Variants in CCDC171 observed in about 807,000 individuals in gnomAD.
CCDC171 encodes coiled-coil domain containing 171.
In CCDC171, 177 loss-of-function variants were observed where a neutral mutation model predicts 168.2. The ratio of observed to expected loss-of-function variants is 1.05; its 90% CI spans 0.93 to 1.19. The LOEUF (loss-of-function observed/expected upper bound fraction) is 1.19. Among genes scored for constraint, CCDC171 ranks in the 50% most tolerant of loss-of-function variants. The pLI, the probability that CCDC171 is intolerant of heterozygous loss-of-function variation, is 0.00. For missense variants in CCDC171, 1,991 were observed against 1,539.0 expected (o/e 1.29, Z -4.91); for synonymous variants, 687 against 540.8 (o/e 1.27, Z -3.75).
chr9:16,084,827 G>A, the CCDC171 span, among the ~76,000 whole-genome samples: 45 of 152,280 alleles, frequency 3.0e-4, no homozygotes, highest in African/African-American at 9.9e-4. Flanking sequence ...CAGAAGGCCG[G>A]TGAGGTAAGG....
intron 21 of CCDC171, among the ~76,000 whole-genome samples, chr9:15,796,644 C>G (rs560654910): frequency 1.8e-4 from 27 of 152,232 alleles, no homozygotes; most frequent in African/African-American, 5.5e-4. Flanking sequence ...CTCAACCCTG[C>G]GGTTGGGGAG....
At chr9:15,783,078 A>T (rs576267210) in intron 20 of CCDC171, among the ~76,000 whole-genome samples, 1 of 152,308 alleles carries the variant, frequency 6.6e-6, no homozygotes, top group African/African-American at 2.4e-5. Context: ...ATGCACCCTT[A>T]AAAAGAGAAA....
intron 6 of CCDC171, among the ~76,000 whole-genome samples, chr9:15,601,424 C>G (rs1326862477): frequency 6.6e-6 from 1 of 152,156 alleles, no homozygotes; most frequent in Non-Finnish European, 1.5e-5. Flanking sequence ...TTCCCATTAC[C>G]TCTTCTGTAG....
At chr9:15,805,311 T>C (rs907533234) in intron 21 of CCDC171, among the ~76,000 whole-genome samples, 6 of 152,152 alleles carry the variant, frequency 3.9e-5, no homozygotes, top group Admixed American at 2.0e-4. Flanking sequence ...CTCTTGGTTC[T>C]CAAGTCCTTT....
chr9:15,877,001 T>C (rs967722786), intron 24 of CCDC171, among the ~76,000 whole-genome samples: 2 of 152,106 alleles, frequency 1.3e-5, no homozygotes, highest in Non-Finnish European at 2.9e-5. Context: ...AACTTTATTA[T>C]AGGTATAATC....
In CCDC171 at chr9:15,671,618, C is replaced by T. The variant is rs182922439; in HGVS notation, c.1076+5295C>T. 1.4e-3 allele frequency among the ~76,000 whole-genome samples: 205 copies of T among 146,012 alleles called. 1 individual carries two copies. Among genetic ancestry groups the T allele is most frequent in the African/African-American group, 4.4e-3 (176 of 39,614 alleles). The stretch of plus-strand genomic sequence containing the variant: ...GTGACAACATGCAGTGTTTGGTTTT[C>T]TGTCCTTGTGATAGTTTGCTCAGAA... On this transcript the variant is annotated intron_variant, in intron 9 of 25. Coordinates refer to ENST00000380701, the MANE Select transcript of CCDC171 (RefSeq NM_173550.4).
chr9:15,712,288 G>A (rs1275689662), intron 11 of CCDC171, among the ~76,000 whole-genome samples: 1 of 152,156 alleles, frequency 6.6e-6, no homozygotes, highest in Non-Finnish European at 1.5e-5. Context: ...CAGTCAGGCT[G>A]ATAAAAAATT....
chr9:15,856,071 C>G (rs867106444), intron 23 of CCDC171, among the ~76,000 whole-genome samples: 42 of 151,852 alleles, frequency 2.8e-4, no homozygotes, highest in South Asian at 2.1e-3. Flanking sequence ...TCAGGACTCC[C>G]TTTAGCATTT....
chr9:15,554,308 C>G (rs1242681924), intron 1 of CCDC171, among the ~76,000 whole-genome samples: 1 of 152,228 alleles, frequency 6.6e-6, no homozygotes, highest in Non-Finnish European at 1.5e-5. Flanking sequence ...GCGTGAGCCA[C>G]TGCGCCCGGC....
intron 3 of CCDC171, among the ~76,000 whole-genome samples, chr9:15,998,294 C>T (rs1255274743): frequency 6.6e-6 from 1 of 152,188 alleles, no homozygotes; most frequent in African/African-American, 2.4e-5. Flanking sequence ...CCTCTCAGCT[C>T]AGTCTTCAGT....
intron 23 of CCDC171, among the ~76,000 whole-genome samples, chr9:15,850,475 G>C (rs1209451838): frequency 1.3e-5 from 2 of 151,936 alleles, no homozygotes; most frequent in Non-Finnish European, 2.9e-5. Context: ...TGTAAATCTG[G>C]TCTATAGCCA....
downstream of CCDC171, among the ~76,000 whole-genome samples, chr9:15,975,572 C>T (rs1299827114): frequency 6.6e-6 from 1 of 152,138 alleles, no homozygotes; most frequent in African/African-American, 2.4e-5. Flanking sequence ...TGCCCAGTGT[C>T]TCTAGCTTGG....
At chr9:15,757,325 G>A (rs2056183661) in intron 18 of CCDC171, among the ~76,000 whole-genome samples, 1 of 152,208 alleles carries the variant, frequency 6.6e-6, no homozygotes, top group Admixed American at 6.5e-5. Context: ...TGGAGCAGAG[G>A]TGACTCTTGT....
At chr9:16,040,888 T>C (rs1211489186), upstream of CCDC171, among the ~76,000 whole-genome samples, 1 of 152,188 alleles carries the variant, frequency 6.6e-6, no homozygotes, top group African/African-American at 2.4e-5. Flanking sequence ...TCTCTTTTTT[T>C]TTCAGCCAAA....
intron 25 of CCDC171, among the ~76,000 whole-genome samples, chr9:15,945,015 A>G (rs1828177073): frequency 1.3e-5 from 2 of 151,864 alleles, no homozygotes; most frequent in Admixed American, 6.6e-5. Context: ...ATATCTCCCA[A>G]TGCTATCCCT....
intron 3 of CCDC171, among the ~76,000 whole-genome samples, chr9:16,018,838 G>A (rs111557066): frequency 0.017 from 2,641 of 152,286 alleles, 75 homozygotes; most frequent in African/African-American, 0.059. Context: ...ACCTAGGAGG[G>A]CCTTTTTTCA....
At chr9:16,058,146 G>T (rs1036650487) in intron 1 of CCDC171, among the ~76,000 whole-genome samples, 15 of 151,966 alleles carry the variant, frequency 9.9e-5, no homozygotes, top group African/African-American at 3.4e-4. Flanking sequence ...ATGAAGAGTA[G>T]CTCTTGTCCA....
chr9:15,990,185 C>T (rs1198096652), intron 3 of CCDC171, among the ~76,000 whole-genome samples: 1 of 152,094 alleles, frequency 6.6e-6, no homozygotes, highest in Non-Finnish European at 1.5e-5. Context: ...AGAGAAAGGT[C>T]GGGTTACCCA....
Position 15,559,716 on chromosome 9 carries a change from T to A in CCDC171, c.-111-4262T>A, listed in dbSNP as rs535799961. Among the ~76,000 whole-genome samples the A allele has an allele frequency of 6.6e-5, 10 of 152,272 alleles. No individual in the cohort carries two copies. In the East Asian group the frequency reaches 1.3e-3, roughly 21 times the overall value. ...CAGTCTGTGTCTTTTAATTGGAGCA[T>A]TTAGCCCATTTACATTTAAAGTTAA... is the stretch of plus-strand genomic sequence containing the variant. On this transcript the variant is annotated intron_variant, in intron 1 of 25. Transcript: ENST00000380701.
Sources: gnomAD v4.1 joint callset for allele counts (sites outside exome capture counted in the v4.1 genomes callset) on GRCh38, gnomAD v4.1.1 for gene constraint, MANE v1.5 for transcripts, NCBI Gene and HGNC (gene_info 2026-07-23, HGNC 2026-07-21) for gene names.